Variants in UBR4 observed in about 807,000 individuals in gnomAD.
UBR4 encodes the protein ubiquitin protein ligase E3 component n-recognin 4.
UBR4 carries 124 observed loss-of-function variants against 575.6 expected under a neutral mutation model. The observed-to-expected ratio is 0.22, with a 90% CI of 0.19 to 0.25. The LOEUF (loss-of-function observed/expected upper bound fraction) is 0.25. Among genes scored for constraint, UBR4 ranks in the 10% least tolerant of loss-of-function variants. The pLI, the probability that UBR4 is intolerant of heterozygous loss-of-function variation, is 1.00. For missense variants in UBR4, 4,818 were observed against 6,478.8 expected (o/e 0.74, Z 8.80); for synonymous variants, 2,455 against 2,473.7 (o/e 0.99, Z 0.22).
In UBR4 at chr1:19,163,758, T is replaced by G. The variant is rs1465076296; in HGVS notation, c.4764+6A>C. 2 of 1,613,980 alleles carry G rather than the reference T, an allele frequency of 1.2e-6. No homozygotes were observed. The highest frequency in any genetic ancestry group is 2.7e-5 in the African/African-American group (2 of 74,922). Reference sequence around the variant, plus strand: ...ACCCCCCATTGTCATTCCTCACTTTTCTTACCTTTCCATGCATTACATTGG... The same window carrying G: ...ACCCCCCATTGTCATTCCTCACTTTGCTTACCTTTCCATGCATTACATTGG... On this transcript the variant is annotated splice_donor_region_variant and intron_variant, in intron 34 of 105. Coordinates refer to ENST00000375254, the MANE Select transcript of UBR4 (RefSeq NM_020765.3).
chr1:19,145,506 G>A (rs865869305), intron 53 of UBR4, among the ~76,000 whole-genome samples: 1 of 43,396 alleles, frequency 2.3e-5, no homozygotes, highest in African/African-American at 8.8e-5. Context: ...ATAAACCACT[G>A]AGACACACAC....
chr1:19,150,463 A>G, intron 49 of UBR4, 114 bp downstream of exon 49: 2 of 1,233,428 alleles, frequency 1.6e-6, no homozygotes, highest in South Asian at 2.7e-5. Flanking sequence ...ACTTAAAAAA[A>G]TTCCAGGCTA....
intron 81 of UBR4, 87 bp from the exon 82 acceptor site, chr1:19,107,053 G>C (rs1002542689): frequency 1.9e-6 from 3 of 1,551,060 alleles, no homozygotes; most frequent in Non-Finnish European, 2.6e-6. Flanking sequence ...TGCCCCAGGG[G>C]GTGATGTGCA....
rs1242585550 is a variant in UBR4 at position 19,124,234 on chromosome 1, C to G, written c.9588+307G>C. On this transcript the variant is annotated intron_variant, in intron 65 of 105. Transcript: ENST00000375254. Reference sequence around the variant, plus strand: ...TACCCAATTTCCCATATTGAAATCTCTCTATTAAGATAACTAGTATACTTT... The same window carrying G: ...TACCCAATTTCCCATATTGAAATCTGTCTATTAAGATAACTAGTATACTTT... Among the ~76,000 whole-genome samples, 4 of 152,322 alleles carry G rather than the reference C, an allele frequency of 2.6e-5. No homozygotes were observed. The South Asian group carries it at 8.3e-4, about 32-fold the overall frequency.
intron 49 of UBR4, among the ~76,000 whole-genome samples, chr1:19,149,477 CCCCAAACCCCCTTTTCAT>C (rs979795700): frequency 6.6e-6 from 1 of 152,158 alleles, no homozygotes; most frequent in Non-Finnish European, 1.5e-5. Context: ...AATCCCTCTA[CCCCAAACCCCCTTTTCAT>C]CCACTTAGAA....
At position 19,134,693 on chromosome 1, in the gene UBR4, AT is replaced by A. The variant is rs1178897731; in HGVS notation, c.8906+3313del. 2.2e-3 allele frequency among the ~76,000 whole-genome samples: 322 copies of A among 145,394 alleles called. 1 individual carries two copies. Among genetic ancestry groups the A allele is most frequent in the African/African-American group, 3.4e-3 (137 of 39,938 alleles). ...TCTTCCTCAAGTGGGGAAGGTCTTC[AT>A]TTTTTTTTTTTTCTTTAGACCTCCT... On this transcript the variant is annotated intron_variant, in intron 60 of 105. Coordinates refer to ENST00000375254, the MANE Select transcript of UBR4 (RefSeq NM_020765.3).
chr1:19,153,252 A>G lies in UBR4; in HGVS notation c.6832+49T>C. On this transcript the variant is annotated intron_variant, in intron 46 of 105. Coordinates refer to ENST00000375254, the MANE Select transcript of UBR4 (RefSeq NM_020765.3). The surrounding 1 kb of genome is among the most constrained non-coding windows in gnomAD (Gnocchi z 4.1). Reference sequence around the variant, plus strand: ...CAGTCTATTCTGAGTCACTGTCTAGAAGACCACCATTCCTACTCCCCCACA... The same window carrying G: ...CAGTCTATTCTGAGTCACTGTCTAGGAGACCACCATTCCTACTCCCCCACA... 6.3e-7 allele frequency: 1 copy of G among 1,587,792 alleles called. No homozygotes were observed. Among genetic ancestry groups the G allele is most frequent in the Non-Finnish European group, 8.6e-7 (1 of 1,156,706 alleles).
At chr1:19,081,644 T>C in intron 102 of UBR4, 71 bp from the exon 103 acceptor site, 1 of 1,527,986 alleles carries the variant, frequency 6.5e-7, no homozygotes, top group African/African-American at 1.4e-5. Flanking sequence ...GCAGGAAGAA[T>C]TTGCTCAATT....
chr1:19,164,648 A>C, intron 32 of UBR4, 151 bp downstream of exon 32: 1 of 1,177,564 alleles, frequency 8.5e-7, no homozygotes, highest in Middle Eastern at 2.9e-4. Context: ...GAAAAAAATC[A>C]AGGAGCTACA....
chr1:19,124,763 C>T (rs2081542730), intron 64 of UBR4, 73 bp from the exon 65 acceptor site: 3 of 1,563,690 alleles, frequency 1.9e-6, no homozygotes, highest in Non-Finnish European at 2.6e-6. Flanking sequence ...AAAAGCCTGG[C>T]TCATTAGACG....
intron 102 of UBR4, among the ~76,000 whole-genome samples, chr1:19,082,543 C>T (rs1271607663): frequency 1.3e-5 from 2 of 152,192 alleles, no homozygotes; most frequent in Non-Finnish European, 2.9e-5. Flanking sequence ...CTCCTTAGAT[C>T]CTGAATGGTG....
chr1:19,194,947 TTAAATAAA>T (rs1049668421), intron 8 of UBR4, among the ~76,000 whole-genome samples: 2 of 151,042 alleles, frequency 1.3e-5, no homozygotes, highest in African/African-American at 4.8e-5. Flanking sequence ...ACTGTATTTC[TTAAATAAA>T]TAAATAAATA....
intron 102 of UBR4, 127 bp downstream of exon 102, chr1:19,084,377 G>A: frequency 1.0e-6 from 1 of 967,260 alleles, no homozygotes; most frequent in Non-Finnish European, 1.5e-6. Context: ...TCGGCAAAAA[G>A]GCTGCCTTAG....
chr1:19,181,937 T>C (rs1248308409), intron 17 of UBR4, among the ~76,000 whole-genome samples: 1 of 152,164 alleles, frequency 6.6e-6, no homozygotes, highest in African/African-American at 2.4e-5. Flanking sequence ...TGAAACACTG[T>C]ACCCACTAAA....
In UBR4 at chr1:19,165,220, T is replaced by C. The variant is rs771363858; in HGVS notation, c.4312+29A>G. The C allele has an allele frequency of 2.5e-6, 4 of 1,593,706 alleles. No individual in the cohort carries two copies. The African/African-American group carries it at 5.4e-5, about 21-fold the overall frequency. ...TATTAGCCGGACATCAAAGTTCCCA[T>C]AAGAAGATTACTAAAAGCTGTCACT... On this transcript the variant is annotated intron_variant, in intron 31 of 105. Transcript: ENST00000375254.
intron 8 of UBR4, among the ~76,000 whole-genome samples, chr1:19,194,102 T>C (rs551322552): frequency 1.3e-5 from 2 of 152,260 alleles, no homozygotes; most frequent in South Asian, 2.1e-4. Flanking sequence ...TTGTACAATA[T>C]GGTAATCATG....
chr1:19,176,773 A>T, intron 19 of UBR4, 46 bp from the exon 20 acceptor site: 2 of 1,600,486 alleles, frequency 1.2e-6, no homozygotes, highest in South Asian at 2.2e-5. Context: ...CACAGTCACC[A>T]TTCAGCTTTT....
chr1:19,107,617 G>T (rs990748602), intron 81 of UBR4, among the ~76,000 whole-genome samples: 1 of 151,840 alleles, frequency 6.6e-6, no homozygotes, highest in African/African-American at 2.4e-5. Context: ...ACTCCATTTC[G>T]ATACAAAATA....
chr1:19,173,641 C>T lies in UBR4; in HGVS notation c.2983-20G>A. 1 of 1,612,866 alleles carries T rather than the reference C, an allele frequency of 6.2e-7. No individual in the cohort carries two copies. Reference sequence around the variant, plus strand: ...GGCCTCCTGGAGAAAGGAAAAGCAGCATAGAGGTAGCACTTGGTATGGCCT... The same window carrying T: ...GGCCTCCTGGAGAAAGGAAAAGCAGTATAGAGGTAGCACTTGGTATGGCCT... On this transcript the variant is annotated intron_variant, in intron 22 of 105. Transcript: ENST00000375254.
Sources: gnomAD v4.1 joint callset for allele counts (sites outside exome capture counted in the v4.1 genomes callset) on GRCh38, gnomAD v4.1.1 for gene constraint, Gnocchi (gnomAD v3.1) non-coding constraint, MANE v1.5 for transcripts, NCBI Gene and HGNC (gene_info 2026-07-23, HGNC 2026-07-21) for gene names.